CDH22: variants seen among roughly 807,000 people sequenced by gnomAD.
The protein encoded by CDH22 is cadherin 22, also known as cadherin-22.
Under a neutral mutation model 58.4 loss-of-function variants are expected in CDH22, and 30 were observed. The ratio of observed to expected loss-of-function variants is 0.51; its 90% CI spans 0.38 to 0.70. CDH22 has a LOEUF of 0.70. CDH22 is among the 30% of genes least tolerant of loss of function. The pLI is 0.00. For synonymous variants in CDH22, 513 were observed against 558.2 expected (o/e 0.92, Z 1.14); for missense variants, 1,014 against 1,233.9 (o/e 0.82, Z 2.67).
chr20:46,240,885 C>CAG, intron 3 of CDH22, 78 bp downstream of exon 3: 1 of 1,307,858 alleles, frequency 7.6e-7, no homozygotes, highest in Non-Finnish European at 1.1e-6. Context: ...CCCAGAGGAT[C>CAG]AGCTACTCCC....
chr20:46,206,485 A>G (rs2086002825), intron 7 of CDH22, among the ~76,000 whole-genome samples: 1 of 152,156 alleles, frequency 6.6e-6, no homozygotes, highest in South Asian at 2.1e-4. Flanking sequence ...CATGCTAGGC[A>G]AAGTCTCCCA....
intron 3 of CDH22, among the ~76,000 whole-genome samples, chr20:46,234,136 C>T (rs532869209): frequency 2.0e-5 from 3 of 152,370 alleles, no homozygotes; most frequent in African/African-American, 7.2e-5. Context: ...TTTCCTTCCC[C>T]TCTTGAGCCT....
intron 3 of CDH22, among the ~76,000 whole-genome samples, chr20:46,236,541 A>G (rs1269190856): frequency 7.1e-6 from 1 of 140,756 alleles, no homozygotes; most frequent in African/African-American, 2.6e-5. Flanking sequence ...ATATTTATAT[A>G]TAAATATATA....
At chr20:46,248,759 T>C (rs1316505397) in intron 2 of CDH22, among the ~76,000 whole-genome samples, 2 of 152,154 alleles carry the variant, frequency 1.3e-5, no homozygotes, top group African/African-American at 4.8e-5. Context: ...TGCTGTGAAC[T>C]GAGATCGTGT....
chr20:46,200,448 T>G (rs894195745), intron 7 of CDH22, among the ~76,000 whole-genome samples: 2 of 150,590 alleles, frequency 1.3e-5, no homozygotes, highest in Non-Finnish European at 3.0e-5. Flanking sequence ...CCAGCTAATT[T>G]TTTTTTTTTT....
Position 46,174,938 on chromosome 20 carries a change from C to A in CDH22, c.2055G>T (p.Met685Ile). The change falls in exon 12 of 12, where the codon ATG (methionine) becomes ATT (isoleucine). Residue 685 changes from methionine to isoleucine, a missense_variant. Physicochemically the swap from Met to Ile is conservative, Grantham distance 10. Coordinates refer to ENST00000537909, the MANE Select transcript of CDH22 (RefSeq NM_021248.3). The surrounding 1 kb of genome is among the most constrained non-coding windows in gnomAD (Gnocchi z 4.4). ...AGTCGTAGAGGCTCCGCAGCGCCGA[C>A]ATGTCGTAGGCTTCGGTGTCCTGCT... ...GGEQDTEAYD[M>I]SALRSLYDFG... 6.3e-7 allele frequency: 1 copy of A among 1,594,864 alleles called. No homozygotes were observed. Among genetic ancestry groups the A allele is most frequent in the African/African-American group, 1.3e-5 (1 of 74,488 alleles).
At chr20:46,280,367 C>G (rs2086544837) in intron 1 of CDH22, among the ~76,000 whole-genome samples, 1 of 152,182 alleles carries the variant, frequency 6.6e-6, no homozygotes, top group African/African-American at 2.4e-5. Flanking sequence ...TTGCAGTGAG[C>G]TGAGATCGCG....
intron 5 of CDH22, among the ~76,000 whole-genome samples, chr20:46,215,649 G>C (rs554768567): frequency 6.6e-6 from 1 of 152,344 alleles, no homozygotes; most frequent in South Asian, 2.1e-4. Flanking sequence ...GTGTGCCATA[G>C]TTCATGATAA....
rs980095854 is a variant in CDH22, at chr20:46,197,915, G to A, written c.1423+1508C>T. Among the ~76,000 whole-genome samples the A allele has an allele frequency of 4.6e-5, 7 of 152,278 alleles. No homozygotes were observed. In the South Asian group the frequency reaches 1.5e-3, roughly 32 times the overall value. On this transcript the variant is annotated intron_variant, in intron 8 of 11. Coordinates refer to ENST00000537909, the MANE Select transcript of CDH22 (RefSeq NM_021248.3). ...GGGAGGAGGAAGAGGGCTGGCAGGAGGAGCTTGGGTCAGGAGGGGCCTGGG... is the reference window on the plus strand; with the variant it reads ...GGGAGGAGGAAGAGGGCTGGCAGGAAGAGCTTGGGTCAGGAGGGGCCTGGG...
At chr20:46,276,539 A>G (rs1347608203) in intron 1 of CDH22, among the ~76,000 whole-genome samples, 3 of 152,216 alleles carry the variant, frequency 2.0e-5, no homozygotes, top group Non-Finnish European at 4.4e-5. Context: ...TATTTGTGCC[A>G]GGAAGGGCTA....
intron 2 of CDH22, among the ~76,000 whole-genome samples, chr20:46,246,486 A>T (rs1441012277): frequency 6.6e-6 from 1 of 152,156 alleles, no homozygotes; most frequent in Non-Finnish European, 1.5e-5. Context: ...CTCGGGGGAA[A>T]TTATAGTTCG....
intron 10 of CDH22, 97 bp downstream of exon 10, chr20:46,186,491 G>T (rs1317627303): frequency 2.4e-6 from 2 of 841,214 alleles, no homozygotes; most frequent in Admixed American, 2.2e-5. Context: ...ATCCAACATA[G>T]GCCCTGTGGG....
Position 46,232,941 on chromosome 20 carries a change from A to G in CDH22, c.551-5314T>C, listed in dbSNP as rs35218247. Among the ~76,000 whole-genome samples the G allele has an allele frequency of 4.5e-3, 686 of 152,356 alleles. 8 individuals carry two copies. Among genetic ancestry groups the G allele is most frequent in the African/African-American group, 0.016 (655 of 41,584 alleles). On this transcript the variant is annotated intron_variant, in intron 3 of 11. Transcript: ENST00000537909. ...TCCAGAGACAAGTGACAGAGAAGGC[A>G]GCACAGAGAGAGGGGTCAAGAAAGC...
Position 46,216,165 on chromosome 20 carries a change from G to A in CDH22, c.838+661C>T, listed in dbSNP as rs1025083244. Among the ~76,000 whole-genome samples, 1 of 152,154 alleles carries A rather than the reference G, an allele frequency of 6.6e-6. No homozygotes were observed. Among genetic ancestry groups the A allele is most frequent in the East Asian group, 1.9e-4 (1 of 5,190 alleles). On this transcript the variant is annotated intron_variant, in intron 5 of 11. Transcript: ENST00000537909. This position sits in a 1 kb window ranked among gnomAD's most constrained non-coding sequence, Gnocchi z 5.3. Reference sequence around the variant, plus strand: ...TGGTGGCTTCCCTGTAGTGGCTCTCGGCCTGAGCCTGGGACAGAGGGGTTG... The same window carrying A: ...TGGTGGCTTCCCTGTAGTGGCTCTCAGCCTGAGCCTGGGACAGAGGGGTTG...
rs11354476 is a variant in CDH22, at chr20:46,277,144, GAA to G, written c.-399-25453_-399-25452del. Among the ~76,000 whole-genome samples the G allele has an allele frequency of 1.0e-2, 1,303 of 130,538 alleles. 17 individuals are homozygous for G. The highest frequency in any genetic ancestry group is 0.029 in the Admixed American group (378 of 13,084). The allele number at this position is 130,538 out of a possible 152,430, so 85.6% of individuals were successfully genotyped here. ...TCTCTAGTGAGACTCCACCTCTAAA[GAA>G]AAAAAAAAAAAAGGAAAGGCCCAGG... On this transcript the variant is annotated intron_variant, in intron 1 of 11. Coordinates refer to ENST00000537909, the MANE Select transcript of CDH22 (RefSeq NM_021248.3).
chr20:46,275,792 G>GA (rs3092579), intron 1 of CDH22, among the ~76,000 whole-genome samples: 141 of 147,206 alleles, frequency 9.6e-4, no homozygotes, highest in African/African-American at 2.3e-3. Context: ...GACCATAGGT[G>GA]AAAAAAAAAA....
At chr20:46,190,032 G>A (rs2145658735) in intron 8 of CDH22, among the ~76,000 whole-genome samples, 1 of 152,202 alleles carries the variant, frequency 6.6e-6, no homozygotes, top group South Asian at 2.1e-4. Flanking sequence ...TGGGAGGCGG[G>A]GGGAATCCAG....
At chr20:46,268,199 C>T (rs943772644) in intron 1 of CDH22, among the ~76,000 whole-genome samples, 6 of 152,256 alleles carry the variant, frequency 3.9e-5, no homozygotes, top group Non-Finnish European at 7.3e-5. Context: ...CTGCTAAAAA[C>T]TCGGGCCGAC....
chr20:46,221,457 C>T (rs1346687997), intron 4 of CDH22, among the ~76,000 whole-genome samples: 3 of 152,036 alleles, frequency 2.0e-5, no homozygotes, highest in African/African-American at 4.8e-5. Context: ...TCTTGGCTGT[C>T]GGCGGGGACA....
Sources: allele counts gnomAD v4.1 joint callset (sites outside exome capture counted in the v4.1 genomes callset), GRCh38; gene constraint gnomAD v4.1.1; non-coding constraint Gnocchi (gnomAD v3.1); transcripts MANE v1.5; gene names NCBI Gene and HGNC (gene_info 2026-07-23, HGNC 2026-07-21).